Variants in F11R observed in about 807,000 individuals in gnomAD.
F11R encodes the protein F11 receptor, also known as junctional adhesion molecule A.
A neutral mutation model predicts 39.3 loss-of-function variants in F11R; 27 were observed. The observed-to-expected ratio is 0.69, with a 90% confidence interval of 0.51 to 0.95. The LOEUF (loss-of-function observed/expected upper bound fraction) is 0.95, where lower values mean the gene tolerates loss of function less well. Ranked by LOEUF, F11R falls within the 40% of genes least tolerant of loss-of-function variation. The probability of loss-of-function intolerance (pLI) is 0.00; values close to 1 mark genes in which losing one functional copy is unlikely to be tolerated. For synonymous variants in F11R, 131 were observed against 144.9 expected, an observed-to-expected ratio of 0.90 and a Z score of 0.69; for missense variants, 335 against 372.7, an observed-to-expected ratio of 0.90 and a Z score of 0.83.
At chr1:161,020,639 G>A (rs550305906) in intron 1 of F11R, among the ~76,000 whole-genome samples, 3 of 152,360 alleles carry the variant, frequency 2.0e-5, no homozygotes, top group Non-Finnish European at 4.4e-5. Flanking sequence ...CCGTTGGAGG[G>A]GCAGGCTGGC....
chr1:161,019,800 A>G (rs950392874), intron 1 of F11R, among the ~76,000 whole-genome samples: 2 of 152,100 alleles, frequency 1.3e-5, no homozygotes, highest in Non-Finnish European at 2.9e-5. Context: ...CCCTAACTCT[A>G]TTGTCATTGA....
At chr1:161,007,732 CTTCT>C (rs960891604) in intron 1 of F11R, among the ~76,000 whole-genome samples, 2 of 152,224 alleles carry the variant, frequency 1.3e-5, no homozygotes, top group African/African-American at 4.8e-5. Flanking sequence ...TGTACACATA[CTTCT>C]TTCTGACTTC....
intron 1 of F11R, among the ~76,000 whole-genome samples, chr1:161,008,898 C>T (rs1648974086): frequency 6.6e-6 from 1 of 152,102 alleles, no homozygotes; most frequent in Non-Finnish European, 1.5e-5. Flanking sequence ...AAGAAAGTTC[C>T]AATAATCCCT....
intron 1 of F11R, among the ~76,000 whole-genome samples, chr1:161,008,872 A>C (rs1048742437): frequency 1.3e-5 from 2 of 152,256 alleles, no homozygotes; most frequent in Admixed American, 6.5e-5. Flanking sequence ...ATAAAATCCA[A>C]ATTTTTCTGC....
At chr1:161,016,370 G>A (rs1197020744) in intron 1 of F11R, among the ~76,000 whole-genome samples, 1 of 152,168 alleles carries the variant, frequency 6.6e-6, no homozygotes, top group African/African-American at 2.4e-5. Context: ...CAGCTACTCA[G>A]GAGGCTGAGG....
Position 161,000,244 on chromosome 1 carries a change from T to A in F11R, c.493A>T (p.Thr165Ser). 6.2e-7 allele frequency: 1 copy of A among 1,614,078 alleles called. No individual in the cohort carries two copies. The highest frequency in any genetic ancestry group is 8.5e-7 in the Non-Finnish European group (1 of 1,180,024). ...EQDGSPPSEY[T>S]WFKDGIVMPT... The stretch of plus-strand genomic sequence containing the variant: ...ATCACTATCCCATCTTTGAACCAGG[T>A]GTATTCAGAAGGTGGGGAACCATCT... The change falls in exon 5 of 10, where the codon ACC (threonine) becomes TCC (serine). Residue 165 changes from threonine (T) to serine (S), a missense_variant. Thr to Ser is a moderately conservative substitution (Grantham distance 58, BLOSUM62 1). Transcript: ENST00000368026.
At chr1:161,015,397 CAA>C (rs72369371) in intron 1 of F11R, among the ~76,000 whole-genome samples, 1 of 113,620 alleles carries the variant, frequency 8.8e-6, no homozygotes, top group Non-Finnish European at 1.8e-5. Context: ...GACTCCATCT[CAA>C]AAAAAAAAAT....
At chr1:161,005,556 A>G in intron 1 of F11R, among the ~76,000 whole-genome samples, 1 of 152,070 alleles carries the variant, frequency 6.6e-6, no homozygotes, top group Non-Finnish European at 1.5e-5. Flanking sequence ...TATTTTTAGC[A>G]GAAACAAGGT....
chr1:160,998,721 CATT>C lies in F11R; in HGVS notation c.*147_*149del, dbSNP rs1648270593. 4.2e-6 allele frequency: 3 copies of C among 708,564 alleles called. No homozygotes were observed. The highest frequency in any genetic ancestry group is 7.4e-6 in the Non-Finnish European group (3 of 406,354). The allele number at this position is 708,564 out of a possible 1,614,324, so 43.9% of individuals were successfully genotyped here. A position where few individuals can be genotyped will look rare whatever the true frequency, so the allele number is the denominator to read the frequency against. The stretch of plus-strand genomic sequence containing the variant: ...GAAGGAGGATGGGGCACATAGCTGA[CATT>C]ATTAAAAACACATCCGAAGAAGTAG... On this transcript the variant is annotated 3_prime_UTR_variant, in exon 10 of 10. Transcript: ENST00000368026.
intron 1 of F11R, among the ~76,000 whole-genome samples, chr1:161,008,434 G>A (rs1648946862): frequency 6.6e-6 from 1 of 152,042 alleles, no homozygotes. Context: ...CCCGGGAGGT[G>A]GAGCTTGCAG....
intron 1 of F11R, among the ~76,000 whole-genome samples, chr1:161,004,636 G>A (rs983885047): frequency 6.6e-6 from 1 of 152,032 alleles, no homozygotes; most frequent in Non-Finnish European, 1.5e-5. Flanking sequence ...TTAAGCCAAA[G>A]AGTGGGAGGT....
chr1:161,020,929 C>A, intron 1 of F11R, 81 bp downstream of exon 1: 1 of 1,281,364 alleles, frequency 7.8e-7, no homozygotes, highest in Non-Finnish European at 1.1e-6. Context: ...CCTCCCCTCC[C>A]GCGGGCTAGG....
intron 1 of F11R, among the ~76,000 whole-genome samples, chr1:161,015,186 G>A (rs1382289152): frequency 6.6e-6 from 1 of 151,686 alleles, no homozygotes; most frequent in Non-Finnish European, 1.5e-5. Flanking sequence ...CACGAGGTCA[G>A]CAGATCGAGA....
Position 161,000,148 on chromosome 1 carries a change from G to A in F11R, c.589C>T (p.Leu197=). ...TTTCACCACCACCCCATACATACCAGCTCTCCTGTTGTGGGATTCAGGACA... is the reference window on the plus strand; with the variant it reads ...TTTCACCACCACCCCATACATACCAACTCTCCTGTTGTGGGATTCAGGACA... ...SYVLNPTTGE[L]VFDPLSASDT... is the part of the protein sequence containing the mutation. The change falls in exon 5 of 10, where the codon CTG becomes TTG. Residue 197 remains leucine, a splice_region_variant and synonymous_variant. Coordinates refer to ENST00000368026, the MANE Select transcript of F11R (RefSeq NM_016946.6). 1 of 1,614,084 alleles carries A rather than the reference G, an allele frequency of 6.2e-7. No individual in the cohort carries two copies. The highest frequency in any genetic ancestry group is 1.1e-5 in the South Asian group (1 of 91,080).
chr1:161,010,829 T>C (rs1649111639), intron 1 of F11R, among the ~76,000 whole-genome samples: 1 of 151,444 alleles, frequency 6.6e-6, no homozygotes, highest in African/African-American at 2.4e-5. Context: ...GTACCAAAAA[T>C]ATAAAAATTA....
intron 1 of F11R, among the ~76,000 whole-genome samples, chr1:161,017,939 C>T (rs117719305): frequency 2.0e-5 from 3 of 152,274 alleles, no homozygotes; most frequent in Admixed American, 6.5e-5. Context: ...GCCCTGCCCA[C>T]GCGGAACTCT....
chr1:161,018,100 C>A (rs916879841), intron 1 of F11R, among the ~76,000 whole-genome samples: 3 of 152,166 alleles, frequency 2.0e-5, no homozygotes, highest in Non-Finnish European at 4.4e-5. Context: ...ACAGCTGAAC[C>A]TTTTCTAAGG....
intron 1 of F11R, among the ~76,000 whole-genome samples, chr1:161,005,167 AAATAAT>A (rs71090350): frequency 0.24 from 35,090 of 145,010 alleles, 4,570 homozygotes; most frequent in Non-Finnish European, 0.29. Context: ...CTCAAAAATA[AAATAAT>A]AATAATAATA....
rs999165656 is a variant in F11R, at chr1:161,000,200, G to C, written c.537C>G (p.Ser179Arg). 6.2e-7 allele frequency: 1 copy of C among 1,614,014 alleles called. No homozygotes were observed. The highest frequency in any genetic ancestry group is 1.3e-5 in the African/African-American group (1 of 74,904). The change falls in exon 5 of 10, where the codon AGC (serine) becomes AGG (arginine). Residue 179 changes from serine to arginine, a missense_variant. Coordinates refer to ENST00000368026, the MANE Select transcript of F11R (RefSeq NM_016946.6). ...AGGAAGAGTTGCTGAAGGCACGGGTGCTTTTGGGATTCGTAGGCATCACTA... is the reference window on the plus strand; with the variant it reads ...AGGAAGAGTTGCTGAAGGCACGGGTCCTTTTGGGATTCGTAGGCATCACTA... ...DGIVMPTNPKSTRAFSNSSYV... is the reference protein window; with the variant it reads ...DGIVMPTNPKRTRAFSNSSYV...
Sources: allele counts gnomAD v4.1 joint callset (sites outside exome capture counted in the v4.1 genomes callset), GRCh38; gene constraint gnomAD v4.1.1; transcripts MANE v1.5; gene names NCBI Gene and HGNC (gene_info 2026-07-23, HGNC 2026-07-21).